Variants in DCAF8L2 observed in about 807,000 individuals in gnomAD.
DCAF8L2 encodes DDB1 and CUL4 associated factor 8 like 2, also known as DDB1- and CUL4-associated factor 8-like protein 2.
For missense variants in DCAF8L2, 430 were observed against 490.7 expected, an observed-to-expected ratio of 0.88 and a Z score of 1.17; for synonymous variants, 200 against 190.9, an observed-to-expected ratio of 1.05 and a Z score of -0.39.
the DCAF8L2 span, among the ~76,000 whole-genome samples, chrX:27,489,246 C>T: frequency 3.7e-4 from 41 of 111,058 alleles, no homozygotes; most frequent in Non-Finnish European, 7.0e-4. Context: ...TACAGGCGCC[C>T]ACCACCGTGC....
the DCAF8L2 span, among the ~76,000 whole-genome samples, chrX:27,531,563 T>C: frequency 9.6e-6 from 1 of 103,741 alleles, no homozygotes; most frequent in Non-Finnish European, 1.9e-5. Flanking sequence ...AAACTTTGAA[T>C]AGTTTATGCA....
the DCAF8L2 span, among the ~76,000 whole-genome samples, chrX:27,580,065 C>T: frequency 9.1e-6 from 1 of 109,892 alleles, no homozygotes; most frequent in Non-Finnish European, 1.9e-5. Flanking sequence ...TGTTATAATC[C>T]ACATTAATAA....
At chrX:27,623,023 C>T (rs983820048) in intron 1 of DCAF8L2, among the ~76,000 whole-genome samples, 4 of 112,126 alleles carry the variant, frequency 3.6e-5, no homozygotes, top group African/African-American at 1.3e-4. Context: ...TAAGGAAACA[C>T]TTTTGCTTAG....
At chrX:27,502,335 A>AAAAAAAAAATAT in the DCAF8L2 span, among the ~76,000 whole-genome samples, 6 of 12,704 alleles carry the variant, frequency 4.7e-4, no homozygotes, top group Admixed American at 1.8e-3. Context: ...AAAAAAAAAA[A>AAAAAAAAAATAT]ATATATATAT....
intron 3 of DCAF8L2, among the ~76,000 whole-genome samples, chrX:27,698,810 G>A (rs1212575902): frequency 8.9e-6 from 1 of 112,017 alleles, no homozygotes; most frequent in Non-Finnish European, 1.9e-5. Flanking sequence ...TTGATGCAGA[G>A]AAAGCTGGAA....
intron 2 of DCAF8L2, among the ~76,000 whole-genome samples, chrX:27,640,011 C>T (rs868151667): frequency 6.3e-5 from 7 of 110,657 alleles, no homozygotes. Flanking sequence ...CATATGTACA[C>T]GTGTCATGTT....
At position 27,644,530 on chromosome X, in the gene DCAF8L2, C is replaced by T. The variant is rs751256539; in HGVS notation, c.-220+12530C>T. On this transcript the variant is annotated intron_variant, in intron 2 of 4. Coordinates refer to ENST00000451261, the MANE Select transcript of DCAF8L2 (RefSeq NM_001353450.2). The stretch of plus-strand genomic sequence containing the variant: ...GAAAAAACCTCTTGTTACAAATCAC[C>T]GAGATATGCTGGATAAATATGACCA... Among the ~76,000 whole-genome samples, 36 of 110,874 alleles carry T rather than the reference C, an allele frequency of 3.2e-4. No homozygotes were observed. In the Middle Eastern group the frequency reaches 0.028, roughly 86 times the overall value.
the DCAF8L2 span, among the ~76,000 whole-genome samples, chrX:27,514,137 CATATGT>C: frequency 1.6e-4 from 18 of 110,786 alleles, no homozygotes; most frequent in South Asian, 1.1e-3. Flanking sequence ...TATATGTACA[CATATGT>C]ATATGTATGT....
the DCAF8L2 span, among the ~76,000 whole-genome samples, chrX:27,536,611 G>C: frequency 1.8e-5 from 2 of 108,667 alleles, no homozygotes; most frequent in Admixed American, 1.0e-4. Flanking sequence ...TGAAGGGTGA[G>C]TAGAACAGAA....
the DCAF8L2 span, among the ~76,000 whole-genome samples, chrX:27,470,019 C>T: frequency 3.6e-5 from 4 of 111,553 alleles, no homozygotes; most frequent in South Asian, 3.7e-4. Flanking sequence ...CCGCCCGCCT[C>T]GGCTTCCCAA....
At chrX:27,666,954 A>G (rs1043043374) in intron 2 of DCAF8L2, among the ~76,000 whole-genome samples, 5 of 111,889 alleles carry the variant, frequency 4.5e-5, no homozygotes, top group African/African-American at 1.6e-4. Context: ...AATGGAAGAA[A>G]CTTGTTGAAA....
At chrX:27,544,161 C>G in the DCAF8L2 span, among the ~76,000 whole-genome samples, 6 of 111,380 alleles carry the variant, frequency 5.4e-5, no homozygotes, top group Non-Finnish European at 1.1e-4. Context: ...ACAAGACCAC[C>G]TTTGCTTGTC....
At chrX:27,642,248 CT>C (rs1252447749) in intron 2 of DCAF8L2, among the ~76,000 whole-genome samples, 6 of 110,739 alleles carry the variant, frequency 5.4e-5, no homozygotes, top group African/African-American at 2.0e-4. Flanking sequence ...AGGTTTGATC[CT>C]TTTAAACTTG....
chrX:27,595,663 TTG>T (rs1926319299), intron 1 of DCAF8L2, among the ~76,000 whole-genome samples: 1 of 112,238 alleles, frequency 8.9e-6, no homozygotes, highest in Admixed American at 9.5e-5. Flanking sequence ...AACAGGAGCT[TTG>T]TCTTTTTAGT....
the DCAF8L2 span, among the ~76,000 whole-genome samples, chrX:27,530,680 T>C: frequency 2.0e-4 from 22 of 112,023 alleles, no homozygotes; most frequent in Non-Finnish European, 3.6e-4. Flanking sequence ...ACGTGGATTG[T>C]GGTAGTCACC....
At chrX:27,566,809 A>C in the DCAF8L2 span, among the ~76,000 whole-genome samples, 3 of 110,107 alleles carry the variant, frequency 2.7e-5, no homozygotes, top group Admixed American at 2.9e-4. Flanking sequence ...TGAGGTATAA[A>C]GTTAGGTTGT....
chrX:27,723,322 T>C (rs1436682710), intron 4 of DCAF8L2, among the ~76,000 whole-genome samples: 1 of 110,586 alleles, frequency 9.0e-6, no homozygotes, highest in East Asian at 2.8e-4. Context: ...TCTTTACGAT[T>C]TGTACCACAG....
At chrX:27,481,185 C>A in the DCAF8L2 span, among the ~76,000 whole-genome samples, 5 of 110,303 alleles carry the variant, frequency 4.5e-5, no homozygotes, top group African/African-American at 1.7e-4. Flanking sequence ...AGAGATCAGC[C>A]TGGCCAACAT....
intron 1 of DCAF8L2, among the ~76,000 whole-genome samples, chrX:27,611,188 G>A (rs1403237934): frequency 2.7e-5 from 3 of 111,022 alleles, no homozygotes; most frequent in Admixed American, 9.6e-5. Flanking sequence ...GGTACACTAC[G>A]GGGATGGGAT....
Sources: gnomAD v4.1 joint callset for allele counts (sites outside exome capture counted in the v4.1 genomes callset) on GRCh38, gnomAD v4.1.1 for gene constraint, MANE v1.5 for transcripts, NCBI Gene and HGNC (gene_info 2026-07-23, HGNC 2026-07-21) for gene names.